GSAP: variants seen among roughly 807,000 people sequenced by gnomAD.
GSAP encodes gamma-secretase-activating protein.
Under a neutral mutation model 131.7 loss-of-function variants are expected in GSAP, and 118 were observed. The ratio of observed to expected loss-of-function variants is 0.90; its 90% CI spans 0.77 to 1.04. GSAP has a LOEUF of 1.04. Among genes scored for constraint, GSAP ranks in the 50% least tolerant of loss-of-function variants. GSAP has a pLI of 0.00. For synonymous variants in GSAP, 381 were observed against 363.4 expected (o/e 1.05, Z -0.55); for missense variants, 1,019 against 1,013.2 (o/e 1.01, Z -0.08).
At chr7:77,359,288 C>T (rs1385341900) in intron 14 of GSAP, among the ~76,000 whole-genome samples, 2 of 152,098 alleles carry the variant, frequency 1.3e-5, no homozygotes, top group East Asian at 3.9e-4. Context: ...CTTTCTGAGC[C>T]TCAGTTTCAT....
chr7:77,402,370 C>T (rs1475948428), intron 3 of GSAP, among the ~76,000 whole-genome samples: 1 of 144,096 alleles, frequency 6.9e-6, no homozygotes, highest in Non-Finnish European at 1.5e-5. Flanking sequence ...CATGGGAAAC[C>T]CCATCTCTAC....
chr7:77,332,032 G>C (rs1230666121), intron 19 of GSAP: 1 of 152,134 alleles, frequency 6.6e-6, no homozygotes, highest in African/African-American at 2.4e-5. Flanking sequence ...AAAACTAATT[G>C]GTGTTGTGGT....
chr7:77,396,920 A>G, intron 5 of GSAP, 62 bp downstream of exon 5: 1 of 836,570 alleles, frequency 1.2e-6, no homozygotes, highest in South Asian at 1.7e-5. Flanking sequence ...TTGGTAGTAT[A>G]ATAAATCATC....
chr7:77,405,541 T>A lies in GSAP; in HGVS notation c.186+488A>T, dbSNP rs985558872. Reference sequence around the variant, plus strand: ...AAGAAACATTTAATATTTAAAAAAATTTTTTTTTCTTTTTGAGACAGGGTT... The same window carrying A: ...AAGAAACATTTAATATTTAAAAAAAATTTTTTTTCTTTTTGAGACAGGGTT... On this transcript the variant is annotated intron_variant, in intron 2 of 30. Transcript: ENST00000257626. 7.9e-5 allele frequency among the ~76,000 whole-genome samples: 11 copies of A among 139,952 alleles called. No individual in the cohort carries two copies. In the South Asian group the frequency reaches 8.9e-4, roughly 11 times the overall value. The allele number at this position is 139,952 out of a possible 152,430, so 91.8% of individuals were successfully genotyped here.
At chr7:77,396,110 C>T (rs1800335616) in intron 5 of GSAP, among the ~76,000 whole-genome samples, 1 of 152,168 alleles carries the variant, frequency 6.6e-6, no homozygotes, top group Non-Finnish European at 1.5e-5. Flanking sequence ...CTAGTGACAA[C>T]AAAAAGCTAG....
intron 10 of GSAP, among the ~76,000 whole-genome samples, chr7:77,376,363 T>C (rs1236847681): frequency 6.6e-6 from 1 of 152,226 alleles, no homozygotes; most frequent in East Asian, 1.9e-4. Context: ...ATTAACTGGA[T>C]TTGTTATAGA....
At chr7:77,361,008 T>C in intron 13 of GSAP, 107 bp from the exon 14 acceptor site, 2 of 679,020 alleles carry the variant, frequency 2.9e-6, no homozygotes, top group East Asian at 5.2e-5. Context: ...ATGAAACTGG[T>C]AAGCAGGCAT....
At chr7:77,401,628 A>G (rs903804945) in intron 3 of GSAP, among the ~76,000 whole-genome samples, 1 of 152,206 alleles carries the variant, frequency 6.6e-6, no homozygotes, top group Non-Finnish European at 1.5e-5. Flanking sequence ...GACATGATAA[A>G]AGAGGAACCT....
At chr7:77,321,623 G>A (rs924016473) in intron 24 of GSAP, among the ~76,000 whole-genome samples, 1 of 152,196 alleles carries the variant, frequency 6.6e-6, no homozygotes, top group African/African-American at 2.4e-5. Context: ...CTCTGTTTGT[G>A]TGGGCAGTGC....
At chr7:77,349,476 G>C in intron 18 of GSAP, 72 bp from the exon 19 acceptor site, 1 of 1,319,378 alleles carries the variant, frequency 7.6e-7, no homozygotes, top group South Asian at 1.2e-5. Context: ...CTTTCAGGGA[G>C]TGTTTTCTGC....
At position 77,353,081 on chromosome 7, in the gene GSAP, T is replaced by C; in HGVS notation, c.1409-55A>G. 5 of 967,112 alleles carry C rather than the reference T, an allele frequency of 5.2e-6. 1 individual carries two copies. In the South Asian group the frequency reaches 5.2e-5, roughly 10 times the overall value. The allele number at this position is 967,112 out of a possible 1,614,324, so 59.9% of individuals were successfully genotyped here. A position where few individuals can be genotyped will look rare whatever the true frequency, so the allele number is the denominator to read the frequency against. ...AAAAAGATGTGGTTTAATAAGATGA[T>C]GACAGCATTGTAATGCAACCAAAAC... On this transcript the variant is annotated intron_variant, in intron 17 of 30. Transcript: ENST00000257626.
At chr7:77,320,087 T>A (rs1207019229) in intron 26 of GSAP, among the ~76,000 whole-genome samples, 1 of 152,164 alleles carries the variant, frequency 6.6e-6, no homozygotes, top group Non-Finnish European at 1.5e-5. Context: ...AGTTTATAGC[T>A]AACAGGGGCT....
intron 5 of GSAP, among the ~76,000 whole-genome samples, chr7:77,395,610 T>C (rs1022578777): frequency 5.3e-5 from 8 of 151,800 alleles, no homozygotes; most frequent in East Asian, 3.9e-4. Flanking sequence ...GGATGAGCAA[T>C]ACAAATGATG....
In GSAP at chr7:77,355,344, G is replaced by C; in HGVS notation, c.1207C>G (p.Leu403Val). The change falls in exon 16 of 31, where the codon CTC (leucine) becomes GTC (valine). Residue 403 changes from leucine to valine, a missense_variant. Physicochemically the swap from Leu to Val is conservative, Grantham distance 32. Transcript: ENST00000257626. The stretch of plus-strand genomic sequence containing the variant: ...GACTGGCTGAGCAGTGCTCTATAGA[G>C]CTTTCCAGAACAACAATCCAATACC... The part of the protein sequence containing the change: ...SLVLDCCSGK[L>V]YRALLSQSSL... 6.2e-7 allele frequency: 1 copy of C among 1,612,716 alleles called. No homozygotes were observed. The highest frequency in any genetic ancestry group is 8.5e-7 in the Non-Finnish European group (1 of 1,179,160).
chr7:77,398,804 T>G (rs1217869798), intron 3 of GSAP, among the ~76,000 whole-genome samples: 2 of 152,192 alleles, frequency 1.3e-5, no homozygotes, highest in Non-Finnish European at 1.5e-5. Context: ...GACAGTCTTT[T>G]ATACTCAGCC....
At chr7:77,332,125 C>T (rs962406072) in intron 19 of GSAP, among the ~76,000 whole-genome samples, 1 of 152,064 alleles carries the variant, frequency 6.6e-6, no homozygotes, top group African/African-American at 2.4e-5. Context: ...AGACCTTGCC[C>T]AGGACAGGAT....
intron 12 of GSAP, among the ~76,000 whole-genome samples, chr7:77,363,862 A>C (rs1333069374): frequency 1.3e-5 from 2 of 152,138 alleles, no homozygotes; most frequent in African/African-American, 4.8e-5. Context: ...ATTACAGCTG[A>C]CTCATGACTC....
At chr7:77,323,614 G>A (rs1181262267) in intron 24 of GSAP, 33 bp downstream of exon 24, 1 of 1,022,626 alleles carries the variant, frequency 9.8e-7, no homozygotes, top group African/African-American at 1.6e-5. Context: ...TGGGGTGAAG[G>A]GGCATATGAG....
chr7:77,391,996 G>A (rs1037245671), intron 5 of GSAP, among the ~76,000 whole-genome samples: 7 of 151,756 alleles, frequency 4.6e-5, no homozygotes, highest in South Asian at 2.1e-4. Context: ...AAGCCAAGGC[G>A]GGTGGATCAC....
Sources: allele counts gnomAD v4.1 joint callset (sites outside exome capture counted in the v4.1 genomes callset), GRCh38; gene constraint gnomAD v4.1.1; transcripts MANE v1.5; gene names NCBI Gene and HGNC (gene_info 2026-07-23, HGNC 2026-07-21).